The following VEPH1 variants were observed in gnomAD, a reference collection of about 807,000 sequenced individuals.
VEPH1 encodes the protein ventricular zone expressed PH domain containing 1, also known as ventricular zone-expressed PH domain-containing protein homolog 1.
A neutral mutation model predicts 85.2 loss-of-function variants in VEPH1; 80 were observed. The ratio of observed to expected loss-of-function variants is 0.94; its 90% CI spans 0.78 to 1.13. The LOEUF (loss-of-function observed/expected upper bound fraction) is 1.13, where lower values mean the gene tolerates loss of function less well. VEPH1 is among the 50% of genes most tolerant of loss of function. The probability of loss-of-function intolerance (pLI) is 0.00; values close to 1 mark genes in which losing one functional copy is unlikely to be tolerated. For missense variants in VEPH1, 955 were observed against 980.5 expected (o/e 0.97, Z 0.35); for synonymous variants, 297 against 348.0 (o/e 0.85, Z 1.63).
intron 12 of VEPH1, among the ~76,000 whole-genome samples, chr3:157,269,971 T>C (rs1714325363): frequency 6.6e-6 from 1 of 151,594 alleles, no homozygotes; most frequent in South Asian, 2.1e-4. Context: ...CCAGGTGTGG[T>C]GGCTCATGCC....
intron 4 of VEPH1, among the ~76,000 whole-genome samples, chr3:157,432,182 T>C (rs942286979): frequency 2.0e-5 from 3 of 152,140 alleles, no homozygotes; most frequent in Admixed American, 1.3e-4. Flanking sequence ...TCCTCACTTG[T>C]GATTTGGCCA....
chr3:157,297,091 A>G (rs1044996196), intron 11 of VEPH1, among the ~76,000 whole-genome samples: 88 of 152,192 alleles, frequency 5.8e-4, no homozygotes, highest in Middle Eastern at 3.2e-3. Flanking sequence ...CAACATAGTG[A>G]GACCCCATCT....
intron 6 of VEPH1, among the ~76,000 whole-genome samples, chr3:157,388,301 T>G (rs1351652624): frequency 1.3e-5 from 2 of 151,906 alleles, no homozygotes; most frequent in Non-Finnish European, 2.9e-5. Flanking sequence ...TCCATGAGAG[T>G]CTCTTTCTTA....
intron 6 of VEPH1, among the ~76,000 whole-genome samples, chr3:157,392,290 C>T (rs951671396): frequency 6.6e-6 from 1 of 152,182 alleles, no homozygotes; most frequent in African/African-American, 2.4e-5. Flanking sequence ...AGGAGCAAGT[C>T]ATGTCTTACA....
chr3:157,290,757 T>C (rs888483363), intron 11 of VEPH1, among the ~76,000 whole-genome samples: 1 of 152,210 alleles, frequency 6.6e-6, no homozygotes, highest in African/African-American at 2.4e-5. Context: ...TAAAACTCAC[T>C]GGAGGAAAAA....
At chr3:157,332,776 G>A (rs980306426) in intron 9 of VEPH1, among the ~76,000 whole-genome samples, 2 of 152,178 alleles carry the variant, frequency 1.3e-5, no homozygotes, top group African/African-American at 4.8e-5. Context: ...GAATTGTTGG[G>A]TGGCATGGCA....
intron 6 of VEPH1, among the ~76,000 whole-genome samples, chr3:157,386,359 A>G (rs77555140): frequency 1.1e-3 from 173 of 151,936 alleles, no homozygotes; most frequent in African/African-American, 3.8e-3. Context: ...AATCAGCAGC[A>G]TAAGTGCCAA....
chr3:157,428,412 T>A lies in VEPH1; in HGVS notation c.606A>T (p.Glu202Asp), dbSNP rs746387347. The change falls in exon 5 of 14, where the codon GAA becomes GAT. Residue 202 changes from glutamate (E) to aspartate (D), a missense_variant. Transcript: ENST00000362010. The stretch of plus-strand genomic sequence containing the variant: ...CCAGCTGAGACATCAAGGCCAGGAG[T>A]TCTGTCAGGTGTCTATTAATTGGCT... ...QPQPINRHLT[E>D]LLALMSQLEQ... 1.5e-5 allele frequency: 25 copies of A among 1,614,036 alleles called. No homozygotes were observed. The South Asian group carries it at 2.7e-4, about 18-fold the overall frequency.
intron 6 of VEPH1, among the ~76,000 whole-genome samples, chr3:157,386,546 T>C (rs1332254533): frequency 6.6e-6 from 1 of 152,080 alleles, no homozygotes; most frequent in Non-Finnish European, 1.5e-5. Flanking sequence ...CCAGAGGGCA[T>C]TTGGAGAATG....
chr3:157,374,339 A>G (rs1727849243), intron 7 of VEPH1, among the ~76,000 whole-genome samples: 1 of 152,210 alleles, frequency 6.6e-6, no homozygotes, highest in African/African-American at 2.4e-5. Flanking sequence ...GTGGGGCAAA[A>G]TTATAGTCAG....
chr3:157,397,094 A>G (rs190141550), intron 6 of VEPH1, among the ~76,000 whole-genome samples: 1 of 152,136 alleles, frequency 6.6e-6, no homozygotes, highest in Admixed American at 6.5e-5. Flanking sequence ...TCTTTAATCC[A>G]TCTTGAGTTA....
chr3:157,472,466 A>C (rs1171965814), intron 2 of VEPH1, among the ~76,000 whole-genome samples: 1 of 152,120 alleles, frequency 6.6e-6, no homozygotes, highest in African/African-American at 2.4e-5. Flanking sequence ...CCATTTCTCA[A>C]TTCTTTTACA....
At chr3:157,354,125 G>A (rs1390179645) in intron 9 of VEPH1, among the ~76,000 whole-genome samples, 1 of 152,156 alleles carries the variant, frequency 6.6e-6, no homozygotes, top group East Asian at 1.9e-4. Flanking sequence ...ATGTGTCGCT[G>A]TGGTGAGGGA....
intron 7 of VEPH1, among the ~76,000 whole-genome samples, chr3:157,368,479 T>TTTTG (rs60491760): frequency 0.31 from 46,184 of 150,888 alleles, 7,668 homozygotes; most frequent in African/African-American, 0.42. Context: ...ACAATAAGTT[T>TTTTG]TTTGTTTGTT....
At chr3:157,441,076 C>T (rs950705965) in intron 4 of VEPH1, among the ~76,000 whole-genome samples, 12 of 152,124 alleles carry the variant, frequency 7.9e-5, no homozygotes, top group Non-Finnish European at 1.8e-4. Context: ...TTTTAGATAA[C>T]GCTAAAGCCT....
rs774399963 is a variant in VEPH1 at position 157,313,707 on chromosome 3, G to A, written c.1924C>T (p.Leu642Phe). ...TGGGTCTTCTCCCACAGAGCTCTGA[G>A]GAATTGCACAGAATGACTCTGAATG... is the stretch of plus-strand genomic sequence containing the variant. ...LSIQSHSVQF[L>F]RALWEKTQAG... Residue 642 changes from leucine to phenylalanine, a missense_variant, in exon 11 of 14, where the codon CTC becomes TTC. Transcript: ENST00000362010. The A allele has an allele frequency of 2.5e-6, 4 of 1,614,038 alleles. No individual in the cohort carries two copies. Among genetic ancestry groups the A allele is most frequent in the South Asian group, 2.2e-5 (2 of 91,088 alleles).
intron 9 of VEPH1, among the ~76,000 whole-genome samples, chr3:157,345,142 A>T (rs1011036311): frequency 6.6e-6 from 1 of 152,354 alleles, no homozygotes; most frequent in East Asian, 1.9e-4. Flanking sequence ...CTAAAACACC[A>T]AAAGCAATGG....
chr3:157,339,672 A>G (rs1723318068), intron 9 of VEPH1, among the ~76,000 whole-genome samples: 1 of 152,206 alleles, frequency 6.6e-6, no homozygotes, highest in South Asian at 2.1e-4. Context: ...AGAGGGTGGG[A>G]ACACAAAGGA....
At chr3:157,309,915 G>A (rs1402217642) in intron 11 of VEPH1, among the ~76,000 whole-genome samples, 1 of 152,078 alleles carries the variant, frequency 6.6e-6, no homozygotes, top group African/African-American at 2.4e-5. Context: ...GAGTAGTTGG[G>A]ATTACAGGAA....
Sources: allele counts gnomAD v4.1 joint callset (sites outside exome capture counted in the v4.1 genomes callset), GRCh38; gene constraint gnomAD v4.1.1; transcripts MANE v1.5; gene names NCBI Gene and HGNC (gene_info 2026-07-23, HGNC 2026-07-21).